HS6ST3: variants seen among roughly 807,000 people sequenced by gnomAD.
HS6ST3 encodes heparan-sulfate 6-O-sulfotransferase 3.
A neutral mutation model predicts 36.7 loss-of-function variants in HS6ST3; 12 were observed. That is an observed-to-expected ratio of 0.33 (90% CI 0.21 to 0.53). HS6ST3 has a LOEUF of 0.53. HS6ST3 is among the 20% of genes least tolerant of loss of function. HS6ST3 has a pLI of 0.95. For synonymous variants in HS6ST3, 240 were observed against 257.5 expected, an observed-to-expected ratio of 0.93 and a Z score of 0.65; for missense variants, 584 against 640.9, an observed-to-expected ratio of 0.91 and a Z score of 0.96.
intron 1 of HS6ST3, among the ~76,000 whole-genome samples, chr13:96,593,174 C>CTTCTTTTT (rs2056389097): frequency 4.3e-5 from 2 of 46,602 alleles, no homozygotes; most frequent in Non-Finnish European, 7.0e-5. Context: ...TTCTTTCTTT[C>CTTCTTTTT]TTTTTTTTTT....
At chr13:96,169,096 G>T (rs1005675864) in intron 1 of HS6ST3, among the ~76,000 whole-genome samples, 1 of 152,164 alleles carries the variant, frequency 6.6e-6, no homozygotes, top group Non-Finnish European at 1.5e-5. Context: ...GCCTGCTGTT[G>T]TACCTAGCAC....
At chr13:96,361,070 A>C (rs1309562625) in intron 1 of HS6ST3, among the ~76,000 whole-genome samples, 1 of 152,194 alleles carries the variant, frequency 6.6e-6, no homozygotes, top group African/African-American at 2.4e-5. Flanking sequence ...TAGTTAGATA[A>C]AAGGGTTAAG....
At chr13:96,510,145 G>T (rs938663484) in intron 1 of HS6ST3, among the ~76,000 whole-genome samples, 9 of 130,370 alleles carry the variant, frequency 6.9e-5, no homozygotes, top group Non-Finnish European at 1.1e-4. Context: ...TATTTTATTT[G>T]CAGCTGTTGT....
At chr13:96,174,190 A>G (rs2054201978) in intron 1 of HS6ST3, among the ~76,000 whole-genome samples, 1 of 152,166 alleles carries the variant, frequency 6.6e-6, no homozygotes, top group South Asian at 2.1e-4. Context: ...GGCATTACAT[A>G]AAGACTATAC....
intron 1 of HS6ST3, among the ~76,000 whole-genome samples, chr13:96,270,911 C>T (rs890464960): frequency 7.2e-5 from 11 of 151,886 alleles, no homozygotes; most frequent in Non-Finnish European, 1.3e-4. Flanking sequence ...CTTCTCCACC[C>T]CTTCACCTAC....
intron 1 of HS6ST3, among the ~76,000 whole-genome samples, chr13:96,450,159 G>A (rs1010426098): frequency 6.6e-6 from 1 of 152,126 alleles, no homozygotes; most frequent in African/African-American, 2.4e-5. Context: ...CAGTGAATTT[G>A]GAAACATGCT....
Position 96,524,511 on chromosome 13 carries a change from C to A in HS6ST3, c.708-307979C>A, listed in dbSNP as rs578076819. Among the ~76,000 whole-genome samples the A allele has an allele frequency of 3.3e-5, 5 of 152,330 alleles. No homozygotes were observed. The East Asian group carries it at 9.7e-4, about 29-fold the overall frequency. On this transcript the variant is annotated intron_variant, in intron 1 of 1. Coordinates refer to ENST00000376705, the MANE Select transcript of HS6ST3 (RefSeq NM_153456.4). ...GTAGGCCTTGCTGAGCTGCAGTGGG[C>A]TCCACCCAGTTCAAGCTTCCCTGCA...
intron 1 of HS6ST3, among the ~76,000 whole-genome samples, chr13:96,667,637 G>C (rs1448705861): frequency 6.6e-6 from 1 of 152,114 alleles, no homozygotes; most frequent in Non-Finnish European, 1.5e-5. Flanking sequence ...TTTAGAAATA[G>C]ACAAATCTGA....
chr13:96,315,219 T>G (rs1442389876), intron 1 of HS6ST3, among the ~76,000 whole-genome samples: 1 of 152,198 alleles, frequency 6.6e-6, no homozygotes, highest in African/African-American at 2.4e-5. Flanking sequence ...GACATATTTC[T>G]CTAAGATCTT....
At chr13:96,573,859 A>T (rs577633728) in intron 1 of HS6ST3, 37 of 451,856 alleles carry the variant, frequency 8.2e-5, no homozygotes, top group African/African-American at 7.1e-4. Flanking sequence ...ACACGAATGA[A>T]TCCAGCATCA....
At chr13:96,754,798 T>C (rs1362224351) in intron 1 of HS6ST3, among the ~76,000 whole-genome samples, 1 of 152,176 alleles carries the variant, frequency 6.6e-6, no homozygotes, top group African/African-American at 2.4e-5. Context: ...ATTGTTTAAT[T>C]TCAATAAAGT....
intron 1 of HS6ST3, among the ~76,000 whole-genome samples, chr13:96,338,078 GA>G (rs1312009870): frequency 6.6e-6 from 1 of 151,940 alleles, no homozygotes; most frequent in Non-Finnish European, 1.5e-5. Context: ...TAATTTAAAA[GA>G]TTTTTTTTTT....
intron 1 of HS6ST3, among the ~76,000 whole-genome samples, chr13:96,215,171 A>C (rs2054418548): frequency 6.6e-6 from 1 of 152,222 alleles, no homozygotes; most frequent in African/African-American, 2.4e-5. Flanking sequence ...TTATAACAGC[A>C]GCTTCAAAAT....
At chr13:96,398,448 A>G (rs9516681) in intron 1 of HS6ST3, among the ~76,000 whole-genome samples, 76,987 of 151,740 alleles carry the variant, frequency 0.51, 19,868 homozygotes, top group Middle Eastern at 0.6. Context: ...ATGCTCAGCT[A>G]ATTTTTGTGT....
chr13:96,317,148 A>G (rs561015214), intron 1 of HS6ST3, among the ~76,000 whole-genome samples: 6 of 151,372 alleles, frequency 4.0e-5, no homozygotes, highest in South Asian at 2.1e-4. Context: ...TGCAGTGTCT[A>G]TTATTCCTAT....
intron 1 of HS6ST3, among the ~76,000 whole-genome samples, chr13:96,595,388 C>T (rs1233778740): frequency 6.6e-6 from 1 of 151,994 alleles, no homozygotes; most frequent in African/African-American, 2.4e-5. Context: ...AAATTTGCTG[C>T]TAGGTGTATT....
chr13:96,756,134 G>A (rs184358848), intron 1 of HS6ST3, among the ~76,000 whole-genome samples: 6 of 152,166 alleles, frequency 3.9e-5, no homozygotes, highest in East Asian at 1.9e-4. Context: ...CTTCTTGGCC[G>A]ATTGAGTATC....
At chr13:96,194,435 C>A (rs1353222080) in intron 1 of HS6ST3, among the ~76,000 whole-genome samples, 1 of 151,684 alleles carries the variant, frequency 6.6e-6, no homozygotes, top group Admixed American at 6.6e-5. Flanking sequence ...CCAGAAAATT[C>A]ATTTTTTTTT....
chr13:96,516,611 C>T (rs1216352371), intron 1 of HS6ST3, among the ~76,000 whole-genome samples: 2 of 152,090 alleles, frequency 1.3e-5, no homozygotes, highest in Non-Finnish European at 2.9e-5. Context: ...TTTATATCTT[C>T]AGTTTTCTTT....
Sources: allele counts gnomAD v4.1 joint callset (sites outside exome capture counted in the v4.1 genomes callset), GRCh38; gene constraint gnomAD v4.1.1; transcripts MANE v1.5; gene names NCBI Gene and HGNC (gene_info 2026-07-23, HGNC 2026-07-21).